SIPA1L3: variants seen among roughly 807,000 people sequenced by gnomAD.
SIPA1L3 encodes signal induced proliferation associated 1 like 3.
SIPA1L3 carries 59 observed loss-of-function variants against 150.1 expected under a neutral mutation model. That is an observed-to-expected ratio of 0.39 (90% CI 0.32 to 0.49). The LOEUF (loss-of-function observed/expected upper bound fraction) is 0.49, where lower values mean the gene tolerates loss of function less well. Ranked by LOEUF, SIPA1L3 falls within the 20% of genes least tolerant of loss-of-function variation. The probability of loss-of-function intolerance (pLI) is 0.86; values close to 1 mark genes in which losing one functional copy is unlikely to be tolerated. For missense variants in SIPA1L3, 2,211 were observed against 2,489.5 expected, an observed-to-expected ratio of 0.89 and a Z score of 2.38; for synonymous variants, 1,070 against 1,077.6, an observed-to-expected ratio of 0.99 and a Z score of 0.14.
At chr19:38,071,815 A>C (rs1162562303) in intron 2 of SIPA1L3, among the ~76,000 whole-genome samples, 1 of 152,202 alleles carries the variant, frequency 6.6e-6, no homozygotes, top group Non-Finnish European at 1.5e-5. Flanking sequence ...GCCCCTGAGC[A>C]TCTGGGGTCA....
chr19:38,088,613 C>A, intron 3 of SIPA1L3, 108 bp from the exon 4 acceptor site: 1 of 1,376,896 alleles, frequency 7.3e-7, no homozygotes. Context: ...CAGCATCCCA[C>A]AGATTGCACA....
Position 38,082,775 on chromosome 19 carries a change from G to T in SIPA1L3, c.1210G>T (p.Asp404Tyr). 2.5e-6 allele frequency: 4 copies of T among 1,613,308 alleles called. No homozygotes were observed. The highest frequency in any genetic ancestry group is 3.4e-6 in the Non-Finnish European group (4 of 1,179,884). Residue 404 changes from aspartate to tyrosine, a missense_variant, in exon 3 of 22, where the codon GAC becomes TAC. By Grantham distance (160) the Asp-to-Tyr change is radical (BLOSUM62 -3). Around this residue, in one of 5 missense-constraint regions of SIPA1L3, gnomAD observed 587 missense variants for 534.5 expected, o/e 1.10. Coordinates refer to ENST00000222345, the MANE Select transcript of SIPA1L3 (RefSeq NM_015073.3). ...GLDPAFTSTE[D>Y]LNCKENLEQD... is the part of the protein sequence containing the mutation. The stretch of plus-strand genomic sequence containing the variant: ...GGACCCGGCCTTCACCAGCACAGAG[G>T]ACCTAAACTGCAAGGAGAACTTGGA...
intron 10 of SIPA1L3, 93 bp from the exon 11 acceptor site, chr19:38,141,091 G>A (rs577222397): frequency 1.5e-5 from 15 of 1,011,898 alleles, no homozygotes; most frequent in Admixed American, 2.7e-5. Flanking sequence ...AAGCCATCCC[G>A]GTTTATATTG....
At chr19:38,136,278 A>G (rs1971435444) in intron 10 of SIPA1L3, among the ~76,000 whole-genome samples, 1 of 150,860 alleles carries the variant, frequency 6.6e-6, no homozygotes, top group South Asian at 2.1e-4. Flanking sequence ...ATTGGGAGAC[A>G]GGGATGCGTG....
rs976023181 is a variant in SIPA1L3, at chr19:38,179,842, CT to C, written c.4209-2668del. 3.8e-4 allele frequency among the ~76,000 whole-genome samples: 58 copies of C among 151,452 alleles called. 1 individual carries two copies. Among genetic ancestry groups the C allele is most frequent in the East Asian group, 1.9e-3 (10 of 5,164 alleles). ...AGAGTCATTTCTTTCAGCCTGAGGACTTTTTTTTTCTTTTTTTTTAGATGGA... is the reference window on the plus strand; with the variant it reads ...AGAGTCATTTCTTTCAGCCTGAGGACTTTTTTTTCTTTTTTTTTAGATGGA... On this transcript the variant is annotated intron_variant, in intron 15 of 21. Transcript: ENST00000222345.
At chr19:38,130,990 G>A (rs1447146064) in intron 10 of SIPA1L3, among the ~76,000 whole-genome samples, 3 of 152,226 alleles carry the variant, frequency 2.0e-5, no homozygotes, top group Admixed American at 1.3e-4. Flanking sequence ...GTGCATGATC[G>A]CATTTAATCT....
chr19:37,961,959 T>C (rs2046862422), intron 1 of SIPA1L3, among the ~76,000 whole-genome samples: 1 of 152,164 alleles, frequency 6.6e-6, no homozygotes, highest in Admixed American at 6.5e-5. Context: ...TTTTTCTAAT[T>C]TCTATTTATT....
Position 38,206,120 on chromosome 19 carries a change from CCAGT to C in SIPA1L3, c.5230_5233del (p.Ser1744ArgfsTer88). 6.5e-7 allele frequency: 1 copy of C among 1,550,042 alleles called. No homozygotes were observed. On this transcript the variant is annotated frameshift_variant, in exon 22 of 22. Transcript: ENST00000222345. LOFTEE classifies it high-confidence loss of function. ...AGGAGAAGCAGGACAAGGTGGTGCT[CCAGT>C]CAGAGGTGGCCAGCCTGCGGCAGAA...
intron 8 of SIPA1L3, 85 bp from the exon 9 acceptor site, chr19:38,119,221 A>G (rs1393060406): frequency 1.5e-6 from 2 of 1,296,300 alleles, no homozygotes; most frequent in Admixed American, 2.2e-5. Flanking sequence ...AAAAAACCCT[A>G]TTCCTATTTT....
chr19:37,935,737 A>G (rs544996546), intron 1 of SIPA1L3, among the ~76,000 whole-genome samples: 3 of 152,312 alleles, frequency 2.0e-5, no homozygotes, highest in East Asian at 3.9e-4. Flanking sequence ...AGCTGGACTT[A>G]TAACACGGCA....
At chr19:38,194,857 C>A (rs1454104357) in intron 18 of SIPA1L3, among the ~76,000 whole-genome samples, 1 of 152,224 alleles carries the variant, frequency 6.6e-6, no homozygotes, top group Non-Finnish European at 1.5e-5. Context: ...TCGAGACCAG[C>A]CTGGCCAATG....
chr19:38,082,542 GC>G lies in SIPA1L3; in HGVS notation c.983del (p.Pro328ArgfsTer78). 1.9e-6 allele frequency: 3 copies of G among 1,600,484 alleles called. No individual in the cohort carries two copies. The highest frequency in any genetic ancestry group is 8.5e-7 in the Non-Finnish European group (1 of 1,174,648). On this transcript the variant is annotated frameshift_variant, in exon 3 of 22. Transcript: ENST00000222345. LOFTEE classifies it high-confidence loss of function. Reference sequence around the variant, plus strand: ...CCGGGGGAGGCCGACGAGGGCCGGAGCCCCCCGGAAGCCAGCAGGCCGTGGG... The same window carrying G: ...CCGGGGGAGGCCGACGAGGGCCGGAGCCCCCGGAAGCCAGCAGGCCGTGGG... ...RSPGEADEGRSPPEASRPWVC... is the reference protein window; with the variant it reads ...RSPGEADEGRXPPEASRPWVC...
chr19:38,183,957 T>A (rs1458006674), intron 16 of SIPA1L3, among the ~76,000 whole-genome samples: 1 of 152,046 alleles, frequency 6.6e-6, no homozygotes, highest in South Asian at 2.1e-4. Context: ...TGAGGCAGAA[T>A]TGAGGAGCTG....
At chr19:38,050,953 A>G (rs1616705) in intron 2 of SIPA1L3, among the ~76,000 whole-genome samples, 60,110 of 151,864 alleles carry the variant, frequency 0.4, 13,208 homozygotes, top group African/African-American at 0.59. Context: ...CAGCTACTCC[A>G]GAGGCTGAGG....
chr19:38,188,493 G>A (rs1972736542), intron 16 of SIPA1L3, among the ~76,000 whole-genome samples: 1 of 151,786 alleles, frequency 6.6e-6, no homozygotes, highest in Non-Finnish European at 1.5e-5. Flanking sequence ...CCAAAATTTA[G>A]ACAACAGAGG....
intron 1 of SIPA1L3, among the ~76,000 whole-genome samples, chr19:37,915,213 C>A (rs753456530): frequency 1.3e-5 from 2 of 152,124 alleles, no homozygotes; most frequent in Non-Finnish European, 2.9e-5. Context: ...AAAGACCCTC[C>A]AGCAGAGCCT....
chr19:38,150,105 A>T lies in SIPA1L3; in HGVS notation c.3534-2735A>T, dbSNP rs144899115. On this transcript the variant is annotated intron_variant, in intron 12 of 21. Coordinates refer to ENST00000222345, the MANE Select transcript of SIPA1L3 (RefSeq NM_015073.3). The stretch of plus-strand genomic sequence containing the variant: ...CTTATAGTCAAAGTTGCTTTTGTAA[A>T]ATCCCTTTGATTGCTGGAAACTGGG... Among the ~76,000 whole-genome samples the T allele has an allele frequency of 2.5e-3, 383 of 152,290 alleles. 2 individuals are homozygous for T. Among genetic ancestry groups the T allele is most frequent in the African/African-American group, 8.8e-3 (365 of 41,566 alleles).
intron 13 of SIPA1L3, among the ~76,000 whole-genome samples, chr19:38,158,748 G>C (rs926102226): frequency 5.3e-5 from 8 of 152,230 alleles, no homozygotes; most frequent in Admixed American, 2.6e-4. Context: ...AGGGGGTTTG[G>C]CCACAGCAGC....
In SIPA1L3 at chr19:38,164,847, C is replaced by T. The variant is rs752010232; in HGVS notation, c.4149C>T (p.Ser1383=). 2.6e-5 allele frequency: 41 copies of T among 1,593,600 alleles called. 1 individual carries two copies. The South Asian group carries it at 3.0e-4, about 12-fold the overall frequency. Residue 1383 remains serine (S), a synonymous_variant, in exon 15 of 22, where the codon TCC becomes TCT. Transcript: ENST00000222345. This position sits in a 1 kb window ranked among gnomAD's most constrained non-coding sequence, Gnocchi z 4.1. The part of the protein sequence containing the change: ...SKGYRPKLYS[S]GSSTPTGLAG... ...GCTACCGACCGAAGCTGTACTCCTC[C>T]GGCTCCAGCACCCCCACGGGACTGG...
Sources: allele counts gnomAD v4.1 joint callset (sites outside exome capture counted in the v4.1 genomes callset), GRCh38; gene constraint gnomAD v4.1.1; regional missense constraint gnomAD v4.1.1; non-coding constraint Gnocchi (gnomAD v3.1); transcripts MANE v1.5; gene names NCBI Gene and HGNC (gene_info 2026-07-23, HGNC 2026-07-21).